Variants in CASC3 observed in about 807,000 individuals in gnomAD.
CASC3 encodes the protein CASC3 exon junction complex subunit.
CASC3 carries 30 observed loss-of-function variants against 80.5 expected under a neutral mutation model. The observed-to-expected ratio is 0.37, with a 90% CI of 0.28 to 0.51. CASC3 has a LOEUF of 0.51. Among genes scored for constraint, CASC3 ranks in the 20% least tolerant of loss-of-function variants. The pLI, the probability that CASC3 is intolerant of heterozygous loss-of-function variation, is 0.94. For missense variants in CASC3, 824 were observed against 922.2 expected (o/e 0.89, Z 1.38); for synonymous variants, 312 against 333.6 (o/e 0.94, Z 0.70).
rs562523932 is a variant in CASC3, at chr17:40,158,591, G to A, written c.298-3162G>A. Reference sequence around the variant, plus strand: ...TTTTCCTACCTAGAACTAGCCACACGTCCATTTCCTGGCCCTTTCTAATGG... The same window carrying A: ...TTTTCCTACCTAGAACTAGCCACACATCCATTTCCTGGCCCTTTCTAATGG... On this transcript the variant is annotated intron_variant, in intron 3 of 13. Coordinates refer to ENST00000264645, the MANE Select transcript of CASC3 (RefSeq NM_007359.5). Among the ~76,000 whole-genome samples the A allele has an allele frequency of 5.6e-3, 859 of 152,194 alleles. 9 individuals are homozygous for A. The highest frequency in any genetic ancestry group is 0.019 in the African/African-American group (802 of 41,512).
intron 3 of CASC3, among the ~76,000 whole-genome samples, chr17:40,144,711 C>T (rs1196302047): frequency 6.9e-6 from 1 of 145,850 alleles, no homozygotes; most frequent in Non-Finnish European, 1.5e-5. Flanking sequence ...CTCTGTTGCC[C>T]AGTCACCCAG....
intron 7 of CASC3, 130 bp downstream of exon 7, chr17:40,164,296 C>T: frequency 1.2e-6 from 1 of 842,934 alleles, no homozygotes; most frequent in Non-Finnish European, 1.8e-6. Flanking sequence ...CAGAGTCTCA[C>T]TCTTTTGCCC....
At chr17:40,168,043 C>T in intron 10 of CASC3, 95 bp downstream of exon 10, 1 of 1,385,948 alleles carries the variant, frequency 7.2e-7, no homozygotes, top group Non-Finnish European at 1.0e-6. Context: ...GTGCTGCTAG[C>T]CTGGGAGTCT....
intron 13 of CASC3, among the ~76,000 whole-genome samples, chr17:40,169,876 C>T (rs1423137088): frequency 6.6e-6 from 1 of 150,390 alleles, no homozygotes; most frequent in African/African-American, 2.5e-5. Flanking sequence ...TTGCCTCAGC[C>T]TCCTAAGTAG....
At position 40,161,743 on chromosome 17, in the gene CASC3, C is replaced by CT; in HGVS notation, c.298-4dup. ...CTTATATGCATCGCTGACAGGGAAA[C>CT]TTTTTTCAGGGTGAAGAAGGTGAAT... On this transcript the variant is annotated splice_polypyrimidine_tract_variant and intron_variant, in intron 3 of 13. Coordinates refer to ENST00000264645, the MANE Select transcript of CASC3 (RefSeq NM_007359.5). 3.1e-6 allele frequency: 5 copies of CT among 1,613,222 alleles called. No homozygotes were observed. The highest frequency in any genetic ancestry group is 2.2e-5 in the East Asian group (1 of 44,870).
chr17:40,168,503 T>C lies in CASC3; in HGVS notation c.1965+86T>C, dbSNP rs1989511028. The C allele has an allele frequency of 8.7e-6, 10 of 1,143,440 alleles. No individual in the cohort carries two copies. The Admixed American group carries it at 2.2e-4, about 25-fold the overall frequency. 70.8% of individuals were successfully genotyped at this position (1,143,440 alleles called of 1,614,324 possible). ...GGTATGGGGAGAATGCTAAAGGAAT[T>C]TGAGAGAACATTTTCAGTGCCACTG... On this transcript the variant is annotated intron_variant, in intron 11 of 13. Transcript: ENST00000264645.
chr17:40,145,720 CAAAAA>C (rs879635318), intron 3 of CASC3, among the ~76,000 whole-genome samples: 2 of 140,796 alleles, frequency 1.4e-5, no homozygotes, highest in Non-Finnish European at 3.1e-5. Flanking sequence ...GACCCTGTGT[CAAAAA>C]AAAAAAGTGA....
In CASC3 at chr17:40,168,361, T is replaced by C. The variant is rs1989506470; in HGVS notation, c.1909T>C (p.Tyr637His). Residue 637 changes from tyrosine (Y) to histidine (H), a missense_variant, in exon 11 of 14, where the codon TAT becomes CAT. Around this residue, in one of 3 missense-constraint regions of CASC3, gnomAD observed 464 missense variants for 506.0 expected, o/e 0.92. Transcript: ENST00000264645. ...GAACTTTGGTAATCCCAGTTACCCT[T>C]ATGCTCCAGGGGCACTGCCTCCCCC... ...VMNFGNPSYP[Y>H]APGALPPPPP... 5 of 1,614,136 alleles carry C rather than the reference T, an allele frequency of 3.1e-6. No homozygotes were observed. The highest frequency in any genetic ancestry group is 4.2e-6 in the Non-Finnish European group (5 of 1,180,024).
At chr17:40,166,955 TTTTC>T (rs762996526) in intron 8 of CASC3, 94 bp downstream of exon 8, 30 of 890,838 alleles carry the variant, frequency 3.4e-5, no homozygotes, top group Admixed American at 2.6e-4. Flanking sequence ...TTTTTTTTTC[TTTTC>T]TTTCTTTCTT....
Position 40,170,985 on chromosome 17 carries a change from C to G in CASC3, c.*580C>G. The G allele has an allele frequency of 1.0e-6, 1 of 985,490 alleles. No homozygotes were observed. Among genetic ancestry groups the G allele is most frequent in the Non-Finnish European group, 1.2e-6 (1 of 829,926 alleles). 61.0% of individuals were successfully genotyped at this position (985,490 alleles called of 1,614,324 possible). ...AGAATGTATCAGCCAGCCTTCCCCACCAAGTCTAAAAAGACCTGGCCTTTC... is the reference window on the plus strand; with the variant it reads ...AGAATGTATCAGCCAGCCTTCCCCAGCAAGTCTAAAAAGACCTGGCCTTTC... On this transcript the variant is annotated 3_prime_UTR_variant, in exon 14 of 14. Coordinates refer to ENST00000264645, the MANE Select transcript of CASC3 (RefSeq NM_007359.5).
chr17:40,169,887 C>T (rs1177020265), intron 13 of CASC3, among the ~76,000 whole-genome samples: 4 of 150,302 alleles, frequency 2.7e-5, no homozygotes, highest in Non-Finnish European at 4.4e-5. Context: ...TCCTAAGTAG[C>T]TAGGATTACA....
chr17:40,145,506 G>A (rs1026147616), intron 3 of CASC3, among the ~76,000 whole-genome samples: 4 of 152,046 alleles, frequency 2.6e-5, no homozygotes, highest in Non-Finnish European at 1.5e-5. Context: ...AGCCCAGATA[G>A]AGAAGATAGA....
Position 40,168,293 on chromosome 17 carries a change from A to T in CASC3, c.1841A>T (p.Gln614Leu), listed in dbSNP as rs771428590. Residue 614 changes from glutamine (Q) to leucine (L), a missense_variant, in exon 11 of 14, where the codon CAG (glutamine) becomes CTG (leucine). By Grantham distance (113) the Gln-to-Leu change is moderately radical (BLOSUM62 -2). This residue lies in a region of CASC3 where 464 missense variants were observed against 506.0 expected (regional missense o/e 0.92). Coordinates refer to ENST00000264645, the MANE Select transcript of CASC3 (RefSeq NM_007359.5). ...VSMSPGQPPP[Q>L]QLLAPTYFSA... ...ATGTCTCCAGGACAGCCACCACCTCAGCAGTTGCTTGCTCCTACTTACTTT... is the reference window on the plus strand; with the variant it reads ...ATGTCTCCAGGACAGCCACCACCTCTGCAGTTGCTTGCTCCTACTTACTTT... 1 of 1,613,948 alleles carries T rather than the reference A, an allele frequency of 6.2e-7. No homozygotes were observed.
chr17:40,168,162 A>C (rs772536797), intron 10 of CASC3, 41 bp from the exon 11 acceptor site: 3 of 1,556,616 alleles, frequency 1.9e-6, no homozygotes, highest in Admixed American at 1.7e-5. Context: ...TGTGAAAATG[A>C]TGTTACTTTA....
At chr17:40,145,080 C>T (rs935981300) in intron 3 of CASC3, among the ~76,000 whole-genome samples, 27 of 151,728 alleles carry the variant, frequency 1.8e-4, no homozygotes, top group African/African-American at 5.8e-4. Context: ...AAGCTGGTCT[C>T]GAACTCCTGA....
chr17:40,167,741 T>G, intron 9 of CASC3, 109 bp from the exon 10 acceptor site: 1 of 1,287,720 alleles, frequency 7.8e-7, no homozygotes, highest in South Asian at 1.2e-5. Context: ...TGGTTGCTGT[T>G]TTCTTCGCAT....
chr17:40,146,426 C>G (rs539518284), intron 3 of CASC3, among the ~76,000 whole-genome samples: 1 of 149,794 alleles, frequency 6.7e-6, no homozygotes, highest in African/African-American at 2.5e-5. Context: ...TCGAGAAGTA[C>G]GATTTCTTTT....
chr17:40,167,014 A>C, intron 8 of CASC3, 153 bp downstream of exon 8: 2 of 586,178 alleles, frequency 3.4e-6, no homozygotes, highest in Non-Finnish European at 5.7e-6. Flanking sequence ...GCTAGAGTGC[A>C]GTGACGGGAT....
chr17:40,155,931 A>G (rs774784469), intron 3 of CASC3, among the ~76,000 whole-genome samples: 5 of 152,190 alleles, frequency 3.3e-5, no homozygotes, highest in Non-Finnish European at 7.4e-5. Flanking sequence ...GTACTATGCT[A>G]TTTGTATCTG....
Sources: allele counts gnomAD v4.1 joint callset (sites outside exome capture counted in the v4.1 genomes callset), GRCh38; gene constraint gnomAD v4.1.1; regional missense constraint gnomAD v4.1.1; transcripts MANE v1.5; gene names NCBI Gene and HGNC (gene_info 2026-07-23, HGNC 2026-07-21).